Variants in PRKCA observed in about 807,000 individuals in gnomAD.
The protein encoded by PRKCA is protein kinase C alpha, also known as protein kinase C alpha type.
In PRKCA, 27 loss-of-function variants were observed where a neutral mutation model predicts 87.0. The ratio of observed to expected loss-of-function variants is 0.31; its 90% CI spans 0.23 to 0.43. PRKCA has a LOEUF of 0.43. Ranked by LOEUF, PRKCA falls within the 20% of genes least tolerant of loss-of-function variation. The pLI is 1.00. For synonymous variants in PRKCA, 329 were observed against 311.1 expected (o/e 1.06, Z -0.61); for missense variants, 518 against 852.3 (o/e 0.61, Z 4.88).
chr17:66,410,977 C>A (rs901511652), intron 2 of PRKCA, among the ~76,000 whole-genome samples: 2 of 152,158 alleles, frequency 1.3e-5, no homozygotes, highest in African/African-American at 4.8e-5. Flanking sequence ...GATGCCCTTA[C>A]CCACCCACAG....
chr17:66,797,090 G>A (rs1167236351), intron 16 of PRKCA: 1 of 755,150 alleles, frequency 1.3e-6, no homozygotes, highest in African/African-American at 1.9e-5. Context: ...GAGACGCCGA[G>A]GTAAAGGGCA....
At chr17:66,459,405 C>T (rs985968028) in intron 2 of PRKCA, among the ~76,000 whole-genome samples, 1 of 152,038 alleles carries the variant, frequency 6.6e-6, no homozygotes, top group African/African-American at 2.4e-5. Context: ...ATGATGAATA[C>T]GCACTGAAAG....
At chr17:66,574,868 A>G (rs1290909301) in intron 3 of PRKCA, among the ~76,000 whole-genome samples, 2 of 152,246 alleles carry the variant, frequency 1.3e-5, no homozygotes, top group Non-Finnish European at 2.9e-5. Flanking sequence ...AACAACAATA[A>G]TAAAATAGAA....
intron 2 of PRKCA, among the ~76,000 whole-genome samples, chr17:66,318,461 T>G (rs1360838969): frequency 2.0e-5 from 3 of 152,206 alleles, no homozygotes; most frequent in Non-Finnish European, 2.9e-5. Context: ...ATGCTGGTAT[T>G]GAGCTGGATT....
chr17:66,614,976 C>T (rs1433180022), intron 3 of PRKCA, among the ~76,000 whole-genome samples: 1 of 151,940 alleles, frequency 6.6e-6, no homozygotes, highest in Non-Finnish European at 1.5e-5. Context: ...GGGGGTGGGC[C>T]AGGGCTTCAG....
chr17:66,656,898 C>T (rs1971749037), intron 5 of PRKCA, among the ~76,000 whole-genome samples: 1 of 152,132 alleles, frequency 6.6e-6, no homozygotes, highest in South Asian at 2.1e-4. Context: ...TCCTTTTCAA[C>T]ACCAAGCTGC....
intron 2 of PRKCA, among the ~76,000 whole-genome samples, chr17:66,405,704 C>G (rs140058087): frequency 6.6e-6 from 1 of 152,338 alleles, no homozygotes; most frequent in East Asian, 1.9e-4. Flanking sequence ...CATTCAATCC[C>G]TATTCCTTTA....
intron 3 of PRKCA, among the ~76,000 whole-genome samples, chr17:66,604,907 G>C (rs957364665): frequency 1.3e-5 from 2 of 151,820 alleles, no homozygotes; most frequent in African/African-American, 4.8e-5. Flanking sequence ...GTTGTTTCTT[G>C]GCAGAAACAT....
In PRKCA at chr17:66,764,641, T is replaced by C. The variant is rs559553885; in HGVS notation, c.1525-9346T>C. Among the ~76,000 whole-genome samples, 9 of 152,338 alleles carry C rather than the reference T, an allele frequency of 5.9e-5. No homozygotes were observed. The East Asian group carries it at 1.5e-3, about 26-fold the overall frequency. ...GCAGTAAAATTGAATGACAGTGGCC[T>C]TGTTGGGGGTCTGTCTTTGAAGCCA... On this transcript the variant is annotated intron_variant, in intron 13 of 16. Transcript: ENST00000413366.
intron 2 of PRKCA, among the ~76,000 whole-genome samples, chr17:66,377,512 T>C (rs1909493820): frequency 6.7e-6 from 1 of 148,246 alleles, no homozygotes; most frequent in African/African-American, 2.5e-5. Flanking sequence ...TGTATATACG[T>C]ATATATGTAT....
chr17:66,538,406 A>G (rs1442209601), intron 3 of PRKCA, among the ~76,000 whole-genome samples: 1 of 152,158 alleles, frequency 6.6e-6, no homozygotes, highest in Non-Finnish European at 1.5e-5. Context: ...TGCGTTGGAG[A>G]GATGCACTTG....
chr17:66,488,933 T>G (rs1916099528), intron 2 of PRKCA, among the ~76,000 whole-genome samples: 1 of 152,116 alleles, frequency 6.6e-6, no homozygotes, highest in African/African-American at 2.4e-5. Flanking sequence ...TAATATAAGC[T>G]CACTTTTTCA....
At chr17:66,675,742 A>G (rs1156909757) in intron 5 of PRKCA, among the ~76,000 whole-genome samples, 1 of 150,148 alleles carries the variant, frequency 6.7e-6, no homozygotes, top group Non-Finnish European at 1.5e-5. Context: ...ACACTTCCCA[A>G]CCCCCTCTCC....
At chr17:66,500,942 TA>T (rs559926296) in intron 3 of PRKCA, among the ~76,000 whole-genome samples, 1 of 151,316 alleles carries the variant, frequency 6.6e-6, no homozygotes, top group Non-Finnish European at 1.5e-5. Flanking sequence ...CTGAAAAATT[TA>T]AAAATTTTAA....
At chr17:66,540,600 G>A (rs535024880) in intron 3 of PRKCA, among the ~76,000 whole-genome samples, 11 of 152,334 alleles carry the variant, frequency 7.2e-5, no homozygotes, top group Non-Finnish European at 2.9e-5. Context: ...TGCACTTTGT[G>A]AGTGCTCTGT....
At chr17:66,721,240 C>CA (rs1567995469) in intron 8 of PRKCA, among the ~76,000 whole-genome samples, 3 of 151,588 alleles carry the variant, frequency 2.0e-5, no homozygotes, top group Admixed American at 6.6e-5. Flanking sequence ...ACTAAAAATA[C>CA]AAAAAAATTA....
chr17:66,656,332 T>C lies in PRKCA; in HGVS notation c.529+10821T>C, dbSNP rs902118775. Among the ~76,000 whole-genome samples the C allele has an allele frequency of 3.3e-5, 5 of 152,338 alleles. No homozygotes were observed. The East Asian group carries it at 9.6e-4, about 29-fold the overall frequency. On this transcript the variant is annotated intron_variant, in intron 5 of 16. Transcript: ENST00000413366. ...TGCCAGGAGGAAGCACTCTTAAAGA[T>C]AGGCTTTGAATGCTTACATCCCTGG...
At chr17:66,355,714 A>T (rs1217533429) in intron 2 of PRKCA, among the ~76,000 whole-genome samples, 2 of 152,156 alleles carry the variant, frequency 1.3e-5, no homozygotes, top group Non-Finnish European at 2.9e-5. Context: ...AACAGCAAAA[A>T]CATTGGAAAC....
chr17:66,518,432 A>G (rs2144207858), intron 3 of PRKCA, among the ~76,000 whole-genome samples: 1 of 152,326 alleles, frequency 6.6e-6, no homozygotes, highest in Admixed American at 6.5e-5. Flanking sequence ...TTTTTTCAGG[A>G]AAAAATATGA....
Sources: allele counts gnomAD v4.1 joint callset (sites outside exome capture counted in the v4.1 genomes callset), GRCh38; gene constraint gnomAD v4.1.1; transcripts MANE v1.5; gene names NCBI Gene and HGNC (gene_info 2026-07-23, HGNC 2026-07-21).